Variants in BRSK1 observed in about 807,000 individuals in gnomAD.
The protein encoded by BRSK1 is BR serine/threonine kinase 1.
Under a neutral mutation model 86.2 loss-of-function variants are expected in BRSK1, and 17 were observed. The observed-to-expected ratio is 0.20, with a 90% CI of 0.14 to 0.30. The LOEUF is 0.30. Ranked by LOEUF, BRSK1 falls within the 10% of genes least tolerant of loss-of-function variation. The pLI is 1.00. For synonymous variants in BRSK1, 464 were observed against 440.1 expected (o/e 1.05, Z -0.68); for missense variants, 719 against 1,071.9 (o/e 0.67, Z 4.60).
At chr19:55,305,736 A>G (rs1190128994) in intron 16 of BRSK1, 150 bp downstream of exon 16, 6 of 1,253,728 alleles carry the variant, frequency 4.8e-6, no homozygotes, top group Non-Finnish European at 5.5e-6. Flanking sequence ...AGAAGTCGGT[A>G]GGCAGGAAAG....
intron 7 of BRSK1, among the ~76,000 whole-genome samples, chr19:55,295,491 T>A (rs1187854955): frequency 6.6e-6 from 1 of 151,986 alleles, no homozygotes; most frequent in East Asian, 1.9e-4. Flanking sequence ...GATCCTGGAG[T>A]TCCCCCACTC....
In BRSK1 at chr19:55,303,720, C is replaced by G. The variant is rs757051523; in HGVS notation, c.1180C>G (p.Arg394Gly). 6.2e-7 allele frequency: 1 copy of G among 1,613,580 alleles called. No individual in the cohort carries two copies. Among genetic ancestry groups the G allele is most frequent in the African/African-American group, 1.3e-5 (1 of 75,024 alleles). The change falls in exon 12 of 19, where the codon CGA becomes GGA. Residue 394 changes from arginine (R) to glycine (G), a missense_variant. Coordinates refer to ENST00000309383, the MANE Select transcript of BRSK1 (RefSeq NM_032430.2). The surrounding 1 kb of genome is among the most constrained non-coding windows in gnomAD (Gnocchi z 5.1). ...SPMLSRHGKR[R>G]PERKSMEVLS... ...CATGCTGAGCCGTCACGGGAAGCGG[C>G]GACCAGAGCGGAAGTCCATGGAAGT...
intron 7 of BRSK1, among the ~76,000 whole-genome samples, chr19:55,296,080 T>C (rs1439535094): frequency 6.6e-6 from 1 of 152,064 alleles, no homozygotes; most frequent in African/African-American, 2.4e-5. Context: ...CTAGTTCATA[T>C]CTAGACTTCT....
intron 3 of BRSK1, among the ~76,000 whole-genome samples, chr19:55,288,710 C>T (rs975773107): frequency 7.9e-5 from 12 of 152,030 alleles, no homozygotes; most frequent in Admixed American, 2.6e-4. Context: ...GTCAGCCTCC[C>T]GAGTGGCTGG....
Position 55,310,636 on chromosome 19 carries a change from G to A in BRSK1, c.2180-1275G>A, listed in dbSNP as rs978429083. ...GGGGGATGCCAATGGCCTCTTGTAG[G>A]TGGAGGCCAGGGATGCTGTAAAACA... On this transcript the variant is annotated intron_variant, in intron 18 of 18. Transcript: ENST00000309383. This position sits in a 1 kb window ranked among gnomAD's most constrained non-coding sequence, Gnocchi z 5.0. Among the ~76,000 whole-genome samples, 1 of 152,134 alleles carries A rather than the reference G, an allele frequency of 6.6e-6. No homozygotes were observed. The highest frequency in any genetic ancestry group is 2.4e-5 in the African/African-American group (1 of 41,422).
In BRSK1 at chr19:55,303,352, G is replaced by A; in HGVS notation, c.1070G>A (p.Arg357Gln). The change falls in exon 11 of 19, where the codon CGG (arginine) becomes CAG (glutamine). Residue 357 changes from arginine to glutamine, a missense_variant. Arg to Gln is a conservative substitution (Grantham distance 43, BLOSUM62 1). Coordinates refer to ENST00000309383, the MANE Select transcript of BRSK1 (RefSeq NM_032430.2). The surrounding 1 kb of genome is among the most constrained non-coding windows in gnomAD (Gnocchi z 5.1). ...EKMIYYLLLD[R>Q]KERYPSCEDQ... is the part of the protein sequence containing the mutation. The stretch of plus-strand genomic sequence containing the variant: ...ATGATATATTATCTGCTTTTGGATC[G>A]GAAGGAGCGGTATCCCAGCTGTGAG... The A allele has an allele frequency of 6.2e-7, 1 of 1,614,030 alleles. No individual in the cohort carries two copies. Among genetic ancestry groups the A allele is most frequent in the Non-Finnish European group, 8.5e-7 (1 of 1,179,982 alleles).
chr19:55,297,363 AG>A (rs1376630889), intron 7 of BRSK1, among the ~76,000 whole-genome samples: 1 of 152,054 alleles, frequency 6.6e-6, no homozygotes, highest in Non-Finnish European at 1.5e-5. Context: ...CACCACGCCC[AG>A]CCATAAGCAG....
rs988415715 is a variant in BRSK1, at chr19:55,287,120, G to A, written c.231+19G>A. The A allele has an allele frequency of 5.6e-6, 9 of 1,613,326 alleles. No homozygotes were observed. The African/African-American group carries it at 9.4e-5, about 17-fold the overall frequency. ...GATGAAGGTGTGTGCGCCTGCTGCA[G>A]TGTGCCTGCGGGTGGGGGGGCCTCC... On this transcript the variant is annotated intron_variant, in intron 2 of 18. Transcript: ENST00000309383. The surrounding 1 kb of genome is among the most constrained non-coding windows in gnomAD (Gnocchi z 5.3).
intron 18 of BRSK1, among the ~76,000 whole-genome samples, chr19:55,309,663 C>T (rs2088737379): frequency 6.6e-6 from 1 of 152,196 alleles, no homozygotes; most frequent in Non-Finnish European, 1.5e-5. Flanking sequence ...ATGACCTCAT[C>T]ACCTCCTAAC....
rs746884075 is a variant in BRSK1 at position 55,306,240 on chromosome 19, TA to T, written c.1891-11del. On this transcript the variant is annotated splice_polypyrimidine_tract_variant and intron_variant, in intron 16 of 18. Transcript: ENST00000309383. The surrounding 1 kb of genome is among the most constrained non-coding windows in gnomAD (Gnocchi z 4.7). Reference sequence around the variant, plus strand: ...CTGGGCTCACCCCTTCCTGTGTTCCTACCTCGCTCAGATCCCCAGCCTGAGT... The same window carrying T: ...CTGGGCTCACCCCTTCCTGTGTTCCTCCTCGCTCAGATCCCCAGCCTGAGT... 2 of 1,613,666 alleles carry T rather than the reference TA, an allele frequency of 1.2e-6. No homozygotes were observed. Among genetic ancestry groups the T allele is most frequent in the Non-Finnish European group, 1.7e-6 (2 of 1,179,922 alleles).
chr19:55,291,533 AT>A (rs930604272), intron 4 of BRSK1, among the ~76,000 whole-genome samples: 65 of 152,246 alleles, frequency 4.3e-4, no homozygotes, highest in African/African-American at 1.5e-3. Context: ...AAAAGTTATT[AT>A]TTTTTTCATT....
rs377113419 is a variant in BRSK1, at chr19:55,303,910, T to C, written c.1286+84T>C. The C allele has an allele frequency of 1.0e-3, 1,547 of 1,520,980 alleles. No homozygotes were observed. Among genetic ancestry groups the C allele is most frequent in the Non-Finnish European group, 1.3e-3 (1,502 of 1,132,292 alleles). The allele number at this position is 1,520,980 out of a possible 1,614,324, so 94.2% of individuals were successfully genotyped here. ...TCTAACCCCAGCTCTACCTCAAATG[T>C]GCTGTGTCCTTGGGACAATTCACCT... On this transcript the variant is annotated intron_variant, in intron 12 of 18. Coordinates refer to ENST00000309383, the MANE Select transcript of BRSK1 (RefSeq NM_032430.2). The surrounding 1 kb of genome is among the most constrained non-coding windows in gnomAD (Gnocchi z 5.1).
chr19:55,304,790 C>G lies in BRSK1; in HGVS notation c.1587C>G (p.Thr529=). Residue 529 remains threonine, a synonymous_variant, in exon 14 of 19, where the codon ACC becomes ACG. Coordinates refer to ENST00000309383, the MANE Select transcript of BRSK1 (RefSeq NM_032430.2). The surrounding 1 kb of genome is among the most constrained non-coding windows in gnomAD (Gnocchi z 5.2). The stretch of plus-strand genomic sequence containing the variant: ...TGCACACGCCCCGGGCCAGTCCCAC[C>G]GGGACCCCGGGGACAACACCACCCC... ...SPLHTPRASP[T]GTPGTTPPPS... is the part of the protein sequence containing the mutation. 6.4e-7 allele frequency: 1 copy of G among 1,563,850 alleles called. No individual in the cohort carries two copies. The highest frequency in any genetic ancestry group is 1.2e-5 in the South Asian group (1 of 86,440).
At chr19:55,297,709 C>A (rs1342456568) in intron 7 of BRSK1, among the ~76,000 whole-genome samples, 1 of 152,256 alleles carries the variant, frequency 6.6e-6, no homozygotes, top group Non-Finnish European at 1.5e-5. Flanking sequence ...CCTGCTCCCT[C>A]TCCCTGAGCG....
chr19:55,299,056 T>C (rs941081837), intron 7 of BRSK1, among the ~76,000 whole-genome samples: 4 of 152,214 alleles, frequency 2.6e-5, no homozygotes, highest in African/African-American at 4.8e-5. Flanking sequence ...ATCAGGAGGC[T>C]GAGGCAGGAG....
In BRSK1 at chr19:55,301,652, G is replaced by A. The variant is rs2088570055; in HGVS notation, c.819G>A (p.Arg273=). 2 of 1,612,562 alleles carry A rather than the reference G, an allele frequency of 1.2e-6. No individual in the cohort carries two copies. Among genetic ancestry groups the A allele is most frequent in the Non-Finnish European group, 1.7e-6 (2 of 1,179,478 alleles). Residue 273 remains arginine, a synonymous_variant, in exon 8 of 19, where the codon AGG becomes AGA. Coordinates refer to ENST00000309383, the MANE Select transcript of BRSK1 (RefSeq NM_032430.2). ...TGATCGAAGTGGAGCCCGAAAAAAG[G>A]CTCAGTGTGAGTTGAGGGGGGGACC... ...RGMIEVEPEK[R]LSLEQIQKHP...
At position 55,303,924 on chromosome 19, in the gene BRSK1, G is replaced by A; in HGVS notation, c.1286+98G>A. On this transcript the variant is annotated intron_variant, in intron 12 of 18. Transcript: ENST00000309383. The surrounding 1 kb of genome is among the most constrained non-coding windows in gnomAD (Gnocchi z 5.1). ...TACCTCAAATGTGCTGTGTCCTTGG[G>A]ACAATTCACCTCCCCTCTCTGGGCC... 1 of 1,519,124 alleles carries A rather than the reference G, an allele frequency of 6.6e-7. No homozygotes were observed. The allele number at this position is 1,519,124 out of a possible 1,614,324, so 94.1% of individuals were successfully genotyped here. A position where few individuals can be genotyped will look rare whatever the true frequency, so the allele number is the denominator to read the frequency against.
intron 4 of BRSK1, among the ~76,000 whole-genome samples, chr19:55,293,725 A>G (rs538477625): frequency 6.6e-6 from 1 of 151,508 alleles, no homozygotes; most frequent in African/African-American, 2.4e-5. Flanking sequence ...CAGGAGAATC[A>G]CTTGGACCCA....
Position 55,302,300 on chromosome 19 carries a change from G to T in BRSK1, c.857+132G>T. On this transcript the variant is annotated intron_variant, in intron 9 of 18. Coordinates refer to ENST00000309383, the MANE Select transcript of BRSK1 (RefSeq NM_032430.2). The surrounding 1 kb of genome is among the most constrained non-coding windows in gnomAD (Gnocchi z 6.3). ...ACGGGCTAGGGACTCGGACTTATGG[G>T]TCCTGGGGGAAGAGGACACAGCTAG... 1 of 1,046,582 alleles carries T rather than the reference G, an allele frequency of 9.6e-7. No homozygotes were observed. Among genetic ancestry groups the T allele is most frequent in the Non-Finnish European group, 1.5e-6 (1 of 668,274 alleles). 64.8% of individuals were successfully genotyped at this position (1,046,582 alleles called of 1,614,324 possible). A position where few individuals can be genotyped will look rare whatever the true frequency, so the allele number is the denominator to read the frequency against.
Sources: gnomAD v4.1 joint callset for allele counts (sites outside exome capture counted in the v4.1 genomes callset) on GRCh38, gnomAD v4.1.1 for gene constraint, Gnocchi (gnomAD v3.1) non-coding constraint, MANE v1.5 for transcripts, NCBI Gene and HGNC (gene_info 2026-07-23, HGNC 2026-07-21) for gene names.